Variants in NALF1 observed in about 807,000 individuals in gnomAD.
NALF1 encodes the protein family with sequence similarity 155 member A.
A neutral mutation model predicts 48.4 loss-of-function variants in NALF1; 3 were observed. The ratio of observed to expected loss-of-function variants is 0.06; its 90% CI spans 0.03 to 0.16. The LOEUF (loss-of-function observed/expected upper bound fraction) is 0.16. Ranked by LOEUF, NALF1 falls within the 10% of genes least tolerant of loss-of-function variation. The pLI, the probability that NALF1 is intolerant of heterozygous loss-of-function variation, is 1.00. For missense variants in NALF1, 526 were observed against 571.5 expected, an observed-to-expected ratio of 0.92 and a Z score of 0.81; for synonymous variants, 262 against 245.7, an observed-to-expected ratio of 1.07 and a Z score of -0.62.
At chr13:107,184,210 G>A (rs960484414) in intron 2 of NALF1, among the ~76,000 whole-genome samples, 18 of 151,552 alleles carry the variant, frequency 1.2e-4, no homozygotes, top group Admixed American at 7.2e-4. Flanking sequence ...TCTGACATCC[G>A]TGTTTTTCTT....
At chr13:107,231,770 C>T (rs994737614) in intron 1 of NALF1, among the ~76,000 whole-genome samples, 1 of 152,196 alleles carries the variant, frequency 6.6e-6, no homozygotes, top group African/African-American at 2.4e-5. Flanking sequence ...GGCAGGGCCA[C>T]AGAATATGGC....
At chr13:107,473,750 A>G (rs527373991) in intron 1 of NALF1, among the ~76,000 whole-genome samples, 204 of 152,200 alleles carry the variant, frequency 1.3e-3, no homozygotes, top group Non-Finnish European at 2.5e-3. Flanking sequence ...CCCTGCCCCA[A>G]TGGTTTGTAC....
chr13:107,428,515 C>A (rs946248508), intron 1 of NALF1, among the ~76,000 whole-genome samples: 1 of 152,162 alleles, frequency 6.6e-6, no homozygotes, highest in Non-Finnish European at 1.5e-5. Context: ...TTTGTAGGTT[C>A]TCCTCCAGCC....
At chr13:107,401,230 C>A (rs1049190180) in intron 1 of NALF1, among the ~76,000 whole-genome samples, 41 of 152,302 alleles carry the variant, frequency 2.7e-4, no homozygotes, top group African/African-American at 9.4e-4. Context: ...ACTGTACATG[C>A]TGCCTGCCCA....
chr13:107,355,352 T>C (rs1377295764), intron 1 of NALF1, among the ~76,000 whole-genome samples: 1 of 152,200 alleles, frequency 6.6e-6, no homozygotes, highest in Non-Finnish European at 1.5e-5. Context: ...TGCATGAGAC[T>C]TGGTCTCTAA....
chr13:107,856,024 C>A (rs902306927), intron 1 of NALF1, among the ~76,000 whole-genome samples: 1 of 151,066 alleles, frequency 6.6e-6, no homozygotes, highest in Non-Finnish European at 1.5e-5. Flanking sequence ...TTCACCTCAG[C>A]CTCCTGTGTA....
intron 2 of NALF1, among the ~76,000 whole-genome samples, chr13:107,176,246 A>G (rs1346417130): frequency 6.6e-6 from 1 of 151,590 alleles, no homozygotes; most frequent in African/African-American, 2.4e-5. Context: ...TATTTTGCTT[A>G]TAAGCTGTTC....
At chr13:107,567,394 G>A (rs188084749) in intron 1 of NALF1, among the ~76,000 whole-genome samples, 193 of 152,308 alleles carry the variant, frequency 1.3e-3, no homozygotes, top group Non-Finnish European at 2.3e-3. Flanking sequence ...CCTCAAGTCA[G>A]AAATTAATTA....
chr13:107,698,530 G>T (rs1348306065), intron 1 of NALF1, among the ~76,000 whole-genome samples: 1 of 151,818 alleles, frequency 6.6e-6, no homozygotes, highest in Admixed American at 6.6e-5. Flanking sequence ...ATAATCCATT[G>T]CATTATATAT....
At chr13:107,432,322 G>A (rs1311525492) in intron 1 of NALF1, among the ~76,000 whole-genome samples, 2 of 152,090 alleles carry the variant, frequency 1.3e-5, no homozygotes, top group Admixed American at 1.3e-4. Context: ...TGCAACCCTG[G>A]GGATCATATT....
chr13:107,547,345 T>A (rs940197090), intron 1 of NALF1, among the ~76,000 whole-genome samples: 2 of 152,200 alleles, frequency 1.3e-5, no homozygotes, highest in Non-Finnish European at 2.9e-5. Flanking sequence ...ATTCTTTAAT[T>A]TGACATTATT....
At chr13:107,349,931 G>C (rs1470751722) in intron 1 of NALF1, among the ~76,000 whole-genome samples, 1 of 152,126 alleles carries the variant, frequency 6.6e-6, no homozygotes. Context: ...TCATGGACCA[G>C]AGAGGATGAT....
chr13:107,640,511 CTTTAA>C (rs1356637765), intron 1 of NALF1, among the ~76,000 whole-genome samples: 1 of 152,094 alleles, frequency 6.6e-6, no homozygotes, highest in Admixed American at 6.6e-5. Context: ...TTCTCATAAC[CTTTAA>C]TTTCACATCA....
At chr13:107,786,171 C>G (rs1198097356) in intron 1 of NALF1, among the ~76,000 whole-genome samples, 8 of 151,986 alleles carry the variant, frequency 5.3e-5, no homozygotes, top group Admixed American at 1.3e-4. Context: ...AATCCCAGCA[C>G]TTTGGGAGGC....
At chr13:107,232,602 T>A (rs141713157) in intron 1 of NALF1, among the ~76,000 whole-genome samples, 214 of 152,302 alleles carry the variant, frequency 1.4e-3, no homozygotes, top group African/African-American at 4.8e-3. Flanking sequence ...TTGCTAAATA[T>A]GTACTTAGAA....
At chr13:107,556,296 T>C (rs4442649) in intron 1 of NALF1, among the ~76,000 whole-genome samples, 49,377 of 97,960 alleles carry the variant, frequency 0.5, 9,434 homozygotes, top group Non-Finnish European at 0.59. Context: ...TATATATATA[T>C]ACACACACAC....
intron 1 of NALF1, among the ~76,000 whole-genome samples, chr13:107,572,964 A>G (rs992481884): frequency 1.3e-5 from 2 of 152,062 alleles, no homozygotes; most frequent in African/African-American, 4.8e-5. Context: ...GCTCTTCCAG[A>G]CCCCATCTCC....
chr13:107,500,464 G>C (rs545823748), intron 1 of NALF1, among the ~76,000 whole-genome samples: 2 of 151,740 alleles, frequency 1.3e-5, no homozygotes, highest in East Asian at 1.9e-4. Context: ...ACAGGTGCTG[G>C]AGAGGATGTG....
At chr13:107,464,950 G>A (rs1566353348) in intron 1 of NALF1, among the ~76,000 whole-genome samples, 1 of 151,908 alleles carries the variant, frequency 6.6e-6, no homozygotes, top group Non-Finnish European at 1.5e-5. Context: ...TCTCTATTCT[G>A]GAGTCATTAT....
Sources: gnomAD v4.1 joint callset for allele counts (sites outside exome capture counted in the v4.1 genomes callset) on GRCh38, gnomAD v4.1.1 for gene constraint, MANE v1.5 for transcripts, NCBI Gene and HGNC (gene_info 2026-07-23, HGNC 2026-07-21) for gene names.